The following EPHA2 variants were observed in gnomAD, a reference collection of about 807,000 sequenced individuals.
The protein encoded by EPHA2 is EPH receptor A2, also known as ephrin type-A receptor 2.
A neutral mutation model predicts 104.9 loss-of-function variants in EPHA2; 54 were observed. That is an observed-to-expected ratio of 0.51 (90% confidence interval 0.41 to 0.65). The LOEUF is 0.65. Ranked by LOEUF, EPHA2 falls within the 30% of genes least tolerant of loss-of-function variation. The pLI, the probability that EPHA2 is intolerant of heterozygous loss-of-function variation, is 0.00. For missense variants in EPHA2, 1,117 were observed against 1,369.5 expected, an observed-to-expected ratio of 0.82 and a Z score of 2.91; for synonymous variants, 560 against 559.1, an observed-to-expected ratio of 1.00 and a Z score of -0.02.
In EPHA2 at chr1:16,130,613, A is replaced by G. The variant is rs2024555072; in HGVS notation, c.2476-194T>C. ...GGCAAATGCCTAAGGGTCTGTGTCC[A>G]GAGTTCACTGGAAGGGACTTTTTTT... On this transcript the variant is annotated intron_variant, in intron 14 of 16. Transcript: ENST00000358432. The surrounding 1 kb of genome is among the most constrained non-coding windows in gnomAD (Gnocchi z 4.5). Among the ~76,000 whole-genome samples, 1 of 151,758 alleles carries G rather than the reference A, an allele frequency of 6.6e-6. No individual in the cohort carries two copies. Among genetic ancestry groups the G allele is most frequent in the African/African-American group, 2.4e-5 (1 of 41,244 alleles).
Position 16,150,874 on chromosome 1 carries a change from C to T in EPHA2, c.153+22G>A, listed in dbSNP as rs1483070429. The T allele has an allele frequency of 6.2e-7, 1 of 1,614,012 alleles. No homozygotes were observed. Among genetic ancestry groups the T allele is most frequent in the South Asian group, 1.1e-5 (1 of 91,072 alleles). On this transcript the variant is annotated intron_variant, in intron 2 of 16. Transcript: ENST00000358432. This position sits in a 1 kb window ranked among gnomAD's most constrained non-coding sequence, Gnocchi z 4.8. ...CAGCAGCCCCATTCTCACACCTCTC[C>T]CCACCCCGAAGGCTTACATACCCCT...
At position 16,135,139 on chromosome 1, in the gene EPHA2, G is replaced by A. The variant is rs774658304; in HGVS notation, c.1479C>T (p.Thr493=). ...NVRRTEGFSV[T]LDDLAPDTTY... ...TGGTGTCTGGGGCCAGGTCGTCCAG[G>A]GTCACGGAGAAACCCTCGGTGCGGC... Residue 493 remains threonine, a synonymous_variant, in exon 7 of 17, where the codon ACC becomes ACT. Transcript: ENST00000358432. The surrounding 1 kb of genome is among the most constrained non-coding windows in gnomAD (Gnocchi z 4.3). 4.4e-5 allele frequency: 71 copies of A among 1,613,926 alleles called. No individual in the cohort carries two copies. In the Admixed American group the frequency reaches 1.1e-3, roughly 26 times the overall value.
rs1452087067 is a variant in EPHA2, at chr1:16,137,921, C to T, written c.1244G>A (p.Arg415His). ...GGTTACCAGGCCTGAGACGCCATTG[C>T]GGGCCTCCACGGTGAAGGTGTAGTT... ...HMNYTFTVEA[R>H]NGVSGLVTSR... Residue 415 changes from arginine (R) to histidine (H), a missense_variant, in exon 5 of 17, where the codon CGC becomes CAC. Transcript: ENST00000358432. The T allele has an allele frequency of 8.7e-6, 14 of 1,614,066 alleles. No individual in the cohort carries two copies. Among genetic ancestry groups the T allele is most frequent in the Admixed American group, 3.3e-5 (2 of 60,034 alleles).
chr1:16,128,432 A>G lies in EPHA2; in HGVS notation c.2825+1002T>C, dbSNP rs965915225. Among the ~76,000 whole-genome samples, 1 of 152,182 alleles carries G rather than the reference A, an allele frequency of 6.6e-6. No homozygotes were observed. The highest frequency in any genetic ancestry group is 1.5e-5 in the Non-Finnish European group (1 of 68,032). ...TTGGGAGCCCAGCTGAGCAATTTCC[A>G]AAGGCCCTAGAGAATGTTCATGAAC... On this transcript the variant is annotated intron_variant, in intron 16 of 16. Transcript: ENST00000358432. The surrounding 1 kb of genome is among the most constrained non-coding windows in gnomAD (Gnocchi z 4.7).
Position 16,130,225 on chromosome 1 carries a change from C to T in EPHA2, c.2669+1G>A, listed in dbSNP as rs1299107532. 6.8e-6 allele frequency: 11 copies of T among 1,614,018 alleles called. No individual in the cohort carries two copies. The highest frequency in any genetic ancestry group is 9.3e-6 in the Non-Finnish European group (11 of 1,180,014). The stretch of plus-strand genomic sequence containing the variant: ...TCATGGGCAGAGGGCATAGAACTCA[C>T]CGGGGGTCAAAGTCAGCCAGGGTCT... On this transcript the variant is annotated splice_donor_variant, in intron 15 of 16. Transcript: ENST00000358432. LOFTEE classifies it high-confidence loss of function. The surrounding 1 kb of genome is among the most constrained non-coding windows in gnomAD (Gnocchi z 4.5).
At chr1:16,151,530 GA>G (rs1418067061) in intron 1 of EPHA2, among the ~76,000 whole-genome samples, 3 of 152,206 alleles carry the variant, frequency 2.0e-5, no homozygotes, top group Non-Finnish European at 4.4e-5. Context: ...TCCAAGAAGA[GA>G]GTGCTGTGAA....
intron 9 of EPHA2, 78 bp downstream of exon 9, chr1:16,133,782 C>T (rs752809623): frequency 5.3e-6 from 8 of 1,495,914 alleles, no homozygotes; most frequent in Non-Finnish European, 7.2e-6. Context: ...CTGGGAACAC[C>T]CTGGCTGCCC....
At chr1:16,149,871 T>C (rs1342275294) in intron 2 of EPHA2, among the ~76,000 whole-genome samples, 1 of 151,642 alleles carries the variant, frequency 6.6e-6, no homozygotes, top group African/African-American at 2.4e-5. Flanking sequence ...TGAGACAGAG[T>C]AGGTGCTCAG....
chr1:16,130,885 C>T lies in EPHA2; in HGVS notation c.2476-466G>A, dbSNP rs184737525. 6.6e-6 allele frequency among the ~76,000 whole-genome samples: 1 copy of T among 152,294 alleles called. No individual in the cohort carries two copies. The highest frequency in any genetic ancestry group is 6.5e-5 in the Admixed American group (1 of 15,298). On this transcript the variant is annotated intron_variant, in intron 14 of 16. Transcript: ENST00000358432. This position sits in a 1 kb window ranked among gnomAD's most constrained non-coding sequence, Gnocchi z 4.5. ...GCTCAAGCGATACTCCTGCCTCAGC[C>T]TCCCAAAGTGCTAGGATTACAGGCA...
In EPHA2 at chr1:16,134,543, G is replaced by A. The variant is rs755908156; in HGVS notation, c.1607C>T (p.Ala536Val). Residue 536 changes from alanine to valine, a missense_variant, in exon 8 of 17, where the codon GCG (alanine) becomes GTG (valine). Physicochemically the swap from Ala to Val is moderately conservative, Grantham distance 64. Coordinates refer to ENST00000358432, the MANE Select transcript of EPHA2 (RefSeq NM_004431.5). This position sits in a 1 kb window ranked among gnomAD's most constrained non-coding sequence, Gnocchi z 4.5. The part of the protein sequence containing the change: ...TLSPEGSGNL[A>V]VIGGVAVGVV... ...ACCGACAGCCACGCCGCCAATCACC[G>A]CCAAGTTGCCAGATCCCTCCGGGGC... 7 of 1,614,038 alleles carry A rather than the reference G, an allele frequency of 4.3e-6. No individual in the cohort carries two copies. Among genetic ancestry groups the A allele is most frequent in the South Asian group, 2.2e-5 (2 of 91,060 alleles).
In EPHA2 at chr1:16,124,607, C is replaced by G. The variant is rs1357217219; in HGVS notation, c.*608G>C. The stretch of plus-strand genomic sequence containing the variant: ...AGCCCTGGCGGGGCCCCCTGCCACA[C>G]ACACACATTCTCTCCACAAAGTACA... On this transcript the variant is annotated 3_prime_UTR_variant, in exon 17 of 17. Coordinates refer to ENST00000358432, the MANE Select transcript of EPHA2 (RefSeq NM_004431.5). 6.5e-6 allele frequency: 1 copy of G among 153,562 alleles called. No individual in the cohort carries two copies. The allele number at this position is 153,562 out of a possible 1,614,324, so 9.5% of individuals were successfully genotyped here.
Position 16,148,635 on chromosome 1 carries a change from A to G in EPHA2, c.566T>C (p.Val189Ala), listed in dbSNP as rs773626522. The change falls in exon 3 of 17, where the codon GTG (valine) becomes GCG (alanine). Residue 189 changes from valine (V) to alanine (A), a missense_variant. Val to Ala is a moderately conservative substitution (Grantham distance 64, BLOSUM62 0). Around this residue, in one of 3 missense-constraint regions of EPHA2, gnomAD observed 664 missense variants for 784.8 expected, o/e 0.85. Transcript: ENST00000358432. This position sits in a 1 kb window ranked among gnomAD's most constrained non-coding sequence, Gnocchi z 4.9. ...YLAFQDIGAC[V>A]ALLSVRVYYK... ...GTAGACACGGACGGAGAGCAGCGCC[A>G]CACAGGCACCGATATCCTGGAAGGC... 2.5e-6 allele frequency: 4 copies of G among 1,608,446 alleles called. No individual in the cohort carries two copies. The highest frequency in any genetic ancestry group is 3.4e-6 in the Non-Finnish European group (4 of 1,180,020).
intron 1 of EPHA2, among the ~76,000 whole-genome samples, chr1:16,154,895 A>AAGCTG (rs1386671331): frequency 1.4e-4 from 21 of 152,008 alleles, no homozygotes; most frequent in Non-Finnish European, 2.6e-4. Flanking sequence ...TTGGAAATTG[A>AAGCTG]AGCTGGCCTG....
intron 5 of EPHA2, among the ~76,000 whole-genome samples, chr1:16,136,713 A>AAAGAAGAAGAAAAGAAGAAG (rs2024706521): frequency 2.9e-5 from 3 of 102,734 alleles, no homozygotes; most frequent in South Asian, 3.4e-4. Flanking sequence ...AAGAAGAAGA[A>AAAGAAGAAGAAAAGAAGAAG]AAGAAGAAGA....
chr1:16,154,721 A>T (rs1410359709), intron 1 of EPHA2, among the ~76,000 whole-genome samples: 2 of 127,014 alleles, frequency 1.6e-5, no homozygotes, highest in African/African-American at 6.0e-5. Flanking sequence ...GCGCCATTGC[A>T]CTCCAGTCTG....
chr1:16,127,467 G>A (rs112371801), intron 16 of EPHA2, among the ~76,000 whole-genome samples: 2,698 of 152,224 alleles, frequency 0.018, 91 homozygotes, highest in African/African-American at 0.06. Flanking sequence ...GACCCCAGGG[G>A]ACCAGGCAGC....
intron 3 of EPHA2, among the ~76,000 whole-genome samples, chr1:16,143,604 C>T (rs1227287448): frequency 6.6e-6 from 1 of 152,146 alleles, no homozygotes; most frequent in Non-Finnish European, 1.5e-5. Flanking sequence ...GGACAGACGC[C>T]CTTATCGTGA....
At position 16,135,768 on chromosome 1, in the gene EPHA2, G is replaced by A. The variant is rs946986272; in HGVS notation, c.1315C>T (p.Pro439Ser). 2.5e-6 allele frequency: 4 copies of A among 1,610,436 alleles called. No homozygotes were observed. Among genetic ancestry groups the A allele is most frequent in the Middle Eastern group, 1.7e-4 (1 of 5,726 alleles). ...TASVSINQTE[P>S]PKVRLEGRST... ...CGGCCCTCCAGCCTCACCTTGGGGGGCTCTGGGCAGGACAGGCAGTGGGGG... is the reference window on the plus strand; with the variant it reads ...CGGCCCTCCAGCCTCACCTTGGGGGACTCTGGGCAGGACAGGCAGTGGGGG... The change falls in exon 6 of 17, where the codon CCC becomes TCC. Residue 439 changes from proline to serine, a missense_variant and splice_region_variant. By Grantham distance (74) the Pro-to-Ser change is moderately conservative. Around this residue, in one of 3 missense-constraint regions of EPHA2, gnomAD observed 664 missense variants for 784.8 expected, o/e 0.85. Transcript: ENST00000358432. This position sits in a 1 kb window ranked among gnomAD's most constrained non-coding sequence, Gnocchi z 4.3.
chr1:16,135,863 C>T lies in EPHA2; in HGVS notation c.1313-93G>A. 6 of 699,568 alleles carry T rather than the reference C, an allele frequency of 8.6e-6. No homozygotes were observed. The highest frequency in any genetic ancestry group is 3.9e-4 in the Middle Eastern group (1 of 2,588). 43.3% of individuals were successfully genotyped at this position (699,568 alleles called of 1,614,324 possible). A position where few individuals can be genotyped will look rare whatever the true frequency, so the allele number is the denominator to read the frequency against. ...CAAGTGGACGTGGAGCCACATCCTC[C>T]ACAGCCCAGATTCTTTCATTTTTTT... On this transcript the variant is annotated intron_variant, in intron 5 of 16. Transcript: ENST00000358432. This position sits in a 1 kb window ranked among gnomAD's most constrained non-coding sequence, Gnocchi z 4.3.
Sources: allele counts gnomAD v4.1 joint callset (sites outside exome capture counted in the v4.1 genomes callset), GRCh38; gene constraint gnomAD v4.1.1; regional missense constraint gnomAD v4.1.1; non-coding constraint Gnocchi (gnomAD v3.1); transcripts MANE v1.5; gene names NCBI Gene and HGNC (gene_info 2026-07-23, HGNC 2026-07-21).